DDAH1: variants seen among roughly 807,000 people sequenced by gnomAD.
DDAH1 encodes dimethylarginine dimethylaminohydrolase 1.
In DDAH1, 19 loss-of-function variants were observed where a neutral mutation model predicts 28.8. That is an observed-to-expected ratio of 0.66 (90% confidence interval 0.46 to 0.97). The LOEUF is 0.97. Ranked by LOEUF, DDAH1 falls within the 50% of genes least tolerant of loss-of-function variation. The pLI is 0.00. For missense variants in DDAH1, 326 were observed against 375.9 expected, an observed-to-expected ratio of 0.87 and a Z score of 1.10; for synonymous variants, 153 against 154.4, an observed-to-expected ratio of 0.99 and a Z score of 0.07.
intron 2 of DDAH1, among the ~76,000 whole-genome samples, chr1:85,353,340 ATGG>A (rs1463897825): frequency 6.6e-6 from 1 of 152,216 alleles, no homozygotes; most frequent in Non-Finnish European, 1.5e-5. Context: ...TCAGAGTATT[ATGG>A]TGAAGTATAA....
At chr1:85,555,522 A>G (rs1041841515) in intron 1 of DDAH1, among the ~76,000 whole-genome samples, 5 of 152,174 alleles carry the variant, frequency 3.3e-5, no homozygotes, top group Non-Finnish European at 2.9e-5. Context: ...ACATGTCCTC[A>G]TCTACTCGCC....
chr1:85,574,025 A>G (rs1204148803), intron 1 of DDAH1, among the ~76,000 whole-genome samples: 1 of 152,242 alleles, frequency 6.6e-6, no homozygotes, highest in Admixed American at 6.5e-5. Context: ...GCATTTTAAC[A>G]TTGTAATTAA....
intron 1 of DDAH1, among the ~76,000 whole-genome samples, chr1:85,560,547 A>C (rs1340549035): frequency 6.6e-6 from 1 of 152,130 alleles, no homozygotes; most frequent in Non-Finnish European, 1.5e-5. Flanking sequence ...ATGAAAATAT[A>C]TTATTGTAAG....
At chr1:85,547,584 T>C (rs1658664964) in intron 1 of DDAH1, among the ~76,000 whole-genome samples, 1 of 152,198 alleles carries the variant, frequency 6.6e-6, no homozygotes, top group East Asian at 1.9e-4. Context: ...ATTTGAATAC[T>C]CTCTATGACT....
chr1:85,341,213 C>T (rs1331742664), intron 4 of DDAH1, among the ~76,000 whole-genome samples: 2 of 152,186 alleles, frequency 1.3e-5, no homozygotes, highest in African/African-American at 2.4e-5. Flanking sequence ...ACTCAGTATC[C>T]CTGTGCTTGG....
rs150140135 is a variant in DDAH1 at position 85,505,233 on chromosome 1, G to C, written c.-122-8952C>G. Among the ~76,000 whole-genome samples, 429 of 151,646 alleles carry C rather than the reference G, an allele frequency of 2.8e-3. 3 individuals carry two copies. The highest frequency in any genetic ancestry group is 9.8e-3 in the African/African-American group (406 of 41,314). On this transcript the variant is annotated intron_variant, in intron 1 of 6. Coordinates refer to the DDAH1 transcript ENST00000426972. The stretch of plus-strand genomic sequence containing the variant: ...TGACCTCAGGTGATCTACCTGCCTT[G>C]GCCTCCCAAAGCCAAATATTATGAT...
intron 1 of DDAH1, among the ~76,000 whole-genome samples, chr1:85,432,594 G>A (rs1653743518): frequency 6.6e-6 from 1 of 152,032 alleles, no homozygotes; most frequent in African/African-American, 2.4e-5. Context: ...CAATTGAATT[G>A]TACTCAGGAA....
intron 4 of DDAH1, among the ~76,000 whole-genome samples, chr1:85,335,487 C>T (rs925512920): frequency 1.3e-5 from 2 of 151,906 alleles, no homozygotes; most frequent in African/African-American, 4.8e-5. Flanking sequence ...AAATATTCCA[C>T]ACAAACCAAA....
chr1:85,510,679 A>G (rs1196718155), intron 1 of DDAH1, among the ~76,000 whole-genome samples: 1 of 152,210 alleles, frequency 6.6e-6, no homozygotes, highest in Non-Finnish European at 1.5e-5. Flanking sequence ...TGGAAAGCAA[A>G]AAAAAGCAGG....
intron 1 of DDAH1, among the ~76,000 whole-genome samples, chr1:85,380,200 T>C (rs996273145): frequency 5.5e-4 from 83 of 152,226 alleles, no homozygotes; most frequent in African/African-American, 1.5e-3. Context: ...TTAAGTAATG[T>C]TTAGTAGATA....
intron 1 of DDAH1, among the ~76,000 whole-genome samples, chr1:85,463,599 A>T (rs1655221558): frequency 6.6e-6 from 1 of 152,204 alleles, no homozygotes; most frequent in South Asian, 2.1e-4. Context: ...TCTCGATGAG[A>T]AATTAGTAGA....
chr1:85,453,432 C>T (rs900962736), intron 1 of DDAH1, among the ~76,000 whole-genome samples: 1 of 152,160 alleles, frequency 6.6e-6, no homozygotes, highest in Non-Finnish European at 1.5e-5. Flanking sequence ...ACAATTTTTC[C>T]AGTCACAGCC....
intron 1 of DDAH1, among the ~76,000 whole-genome samples, chr1:85,406,247 G>A (rs1307398603): frequency 6.6e-6 from 1 of 152,176 alleles, no homozygotes; most frequent in African/African-American, 2.4e-5. Flanking sequence ...TCCTCATAGA[G>A]ATTTATGAAA....
chr1:85,422,512 CA>C (rs1653191732), intron 1 of DDAH1, among the ~76,000 whole-genome samples: 1 of 152,104 alleles, frequency 6.6e-6, no homozygotes, highest in South Asian at 2.1e-4. Context: ...CTGTTTTCTT[CA>C]AGAAATTTTA....
At position 85,511,056 on chromosome 1, in the gene DDAH1, A is replaced by G. The variant is rs1165149737; in HGVS notation, c.-122-14775T>C. ...AATCAACAGAATATACATTCTTCTC[A>G]GCACCATATCGCATTTACTCCAAAA... is the stretch of plus-strand genomic sequence containing the variant. On this transcript the variant is annotated intron_variant, in intron 1 of 6. Coordinates refer to the DDAH1 transcript ENST00000426972. Among the ~76,000 whole-genome samples, 7 of 152,262 alleles carry G rather than the reference A, an allele frequency of 4.6e-5. No individual in the cohort carries two copies. The East Asian group carries it at 1.3e-3, about 29-fold the overall frequency.
At chr1:85,377,719 C>T (rs557860774) in intron 1 of DDAH1, among the ~76,000 whole-genome samples, 4 of 149,326 alleles carry the variant, frequency 2.7e-5, no homozygotes, top group South Asian at 4.4e-4. Context: ...CATCCCCCCA[C>T]CCCCATACAA....
rs116870917 is a variant in DDAH1, at chr1:85,321,441, G to T, written c.*11C>A. 2.0e-3 allele frequency: 3,145 copies of T among 1,588,396 alleles called. 88 individuals carry two copies. The East Asian group carries it at 0.053, about 27-fold the overall frequency. ...TGCGGTCTTGCCGGCTACCGGGGGG[G>T]ACTCTGCAGCTCAGGAGTCTACTTT... On this transcript the variant is annotated 3_prime_UTR_variant, in exon 6 of 6. Coordinates refer to ENST00000284031, the MANE Select transcript of DDAH1 (RefSeq NM_012137.4).
At chr1:85,564,366 G>A (rs1165575026) in intron 1 of DDAH1, among the ~76,000 whole-genome samples, 1 of 152,128 alleles carries the variant, frequency 6.6e-6, no homozygotes, top group Non-Finnish European at 1.5e-5. Context: ...CCAGTGAGTT[G>A]GTGAAAACTT....
At chr1:85,341,310 T>G (rs912089180) in intron 4 of DDAH1, among the ~76,000 whole-genome samples, 1 of 152,236 alleles carries the variant, frequency 6.6e-6, no homozygotes, top group Non-Finnish European at 1.5e-5. Flanking sequence ...AAAGTCTTTT[T>G]GCAGAAGAGA....
Sources: gnomAD v4.1 joint callset for allele counts (sites outside exome capture counted in the v4.1 genomes callset) on GRCh38, gnomAD v4.1.1 for gene constraint, MANE v1.5 for transcripts, NCBI Gene and HGNC (gene_info 2026-07-23, HGNC 2026-07-21) for gene names.